The following TRPC5 variants were observed in gnomAD, a reference collection of about 807,000 sequenced individuals.
The protein encoded by TRPC5 is short transient receptor potential channel 5.
TRPC5 carries 9 observed loss-of-function variants against 56.5 expected under a neutral mutation model. That is an observed-to-expected ratio of 0.16 (90% CI 0.10 to 0.28). The LOEUF (loss-of-function observed/expected upper bound fraction) is 0.28. Ranked by LOEUF, TRPC5 falls within the 10% of genes least tolerant of loss-of-function variation. The pLI, the probability that TRPC5 is intolerant of heterozygous loss-of-function variation, is 1.00. For synonymous variants in TRPC5, 282 were observed against 278.5 expected, an observed-to-expected ratio of 1.01 and a Z score of -0.13; for missense variants, 469 against 748.9, an observed-to-expected ratio of 0.63 and a Z score of 4.36.
At chrX:111,967,318 G>C (rs1201007969) in intron 1 of TRPC5, among the ~76,000 whole-genome samples, 1 of 110,089 alleles carries the variant, frequency 9.1e-6, no homozygotes, top group Non-Finnish European at 1.9e-5. Flanking sequence ...CACTGCTCAA[G>C]GAAATAAAAG....
At chrX:112,049,235 C>T (rs1930147102) in intron 1 of TRPC5, among the ~76,000 whole-genome samples, 1 of 110,326 alleles carries the variant, frequency 9.1e-6, no homozygotes, top group Non-Finnish European at 1.9e-5. Context: ...CTAAACAATG[C>T]CAAATACCAA....
intron 7 of TRPC5, among the ~76,000 whole-genome samples, chrX:111,819,203 C>T (rs112083730): frequency 1.9e-4 from 21 of 111,982 alleles, no homozygotes; most frequent in Non-Finnish European, 1.3e-4. Flanking sequence ...AAGAACAGAT[C>T]CCTGTATATA....
chrX:111,899,407 C>T (rs1315805809), intron 3 of TRPC5, among the ~76,000 whole-genome samples: 1 of 110,489 alleles, frequency 9.1e-6, no homozygotes, highest in African/African-American at 3.3e-5. Flanking sequence ...AATTTTTTTC[C>T]AGTTTTAGGA....
intron 3 of TRPC5, among the ~76,000 whole-genome samples, chrX:111,872,467 G>C (rs1208381195): frequency 3.6e-5 from 4 of 111,967 alleles, no homozygotes; most frequent in African/African-American, 1.3e-4. Context: ...AAATTCCAGA[G>C]TGAACAAACT....
chrX:111,937,268 C>T lies in TRPC5; in HGVS notation c.378+14775G>A, dbSNP rs1441804523. 1.1e-4 allele frequency among the ~76,000 whole-genome samples: 11 copies of T among 103,024 alleles called. No individual in the cohort carries two copies. The East Asian group carries it at 1.2e-3, about 11-fold the overall frequency. The allele number at this position is 103,024 out of a possible 115,157, so 89.5% of individuals were successfully genotyped here. On this transcript the variant is annotated intron_variant, in intron 2 of 10. Transcript: ENST00000262839. ...AGCCCTTTGTCAGATGAGTAGGTTG[C>T]GAAAATTTTCTCCCATTTTGTAGGT... is the stretch of plus-strand genomic sequence containing the variant.
chrX:111,997,783 G>A (rs778945866), intron 1 of TRPC5, among the ~76,000 whole-genome samples: 17 of 109,860 alleles, frequency 1.5e-4, no homozygotes, highest in African/African-American at 2.6e-4. Context: ...TGATCGAATC[G>A]GATATTGAAG....
In TRPC5 at chrX:112,053,845, A is replaced by G. The variant is rs190539167; in HGVS notation, c.-22+28034T>C. ...CATGGAACCAGGTTCCAGCCTTCCCATATAGGAGTGTGCTTAACATCATAA... is the reference window on the plus strand; with the variant it reads ...CATGGAACCAGGTTCCAGCCTTCCCGTATAGGAGTGTGCTTAACATCATAA... On this transcript the variant is annotated intron_variant, in intron 1 of 10. Coordinates refer to ENST00000262839, the MANE Select transcript of TRPC5 (RefSeq NM_012471.3). Among the ~76,000 whole-genome samples the G allele has an allele frequency of 4.6e-4, 52 of 112,432 alleles. 1 individual carries two copies. Among genetic ancestry groups the G allele is most frequent in the Non-Finnish European group, 5.6e-5 (3 of 53,266 alleles).
intron 1 of TRPC5, among the ~76,000 whole-genome samples, chrX:112,069,179 T>A (rs1421038160): frequency 8.9e-6 from 1 of 111,982 alleles, no homozygotes; most frequent in Non-Finnish European, 1.9e-5. Context: ...TATCCTTAGT[T>A]TATGAATGCT....
At chrX:111,955,810 C>T (rs1389530287) in intron 1 of TRPC5, among the ~76,000 whole-genome samples, 1 of 112,009 alleles carries the variant, frequency 8.9e-6, no homozygotes, top group Non-Finnish European at 1.9e-5. Context: ...GAAGGTTTTT[C>T]CCCATGACCC....
intron 9 of TRPC5, among the ~76,000 whole-genome samples, chrX:111,780,749 G>A (rs1027699704): frequency 3.6e-5 from 4 of 111,891 alleles, no homozygotes; most frequent in African/African-American, 1.3e-4. Flanking sequence ...TTTTAATGAC[G>A]TGTTATTTTA....
chrX:111,985,842 T>G (rs1016906146), intron 1 of TRPC5, among the ~76,000 whole-genome samples: 4 of 111,942 alleles, frequency 3.6e-5, no homozygotes, highest in Non-Finnish European at 7.5e-5. Flanking sequence ...ATGGTAACCA[T>G]GCCCACCTTG....
chrX:111,843,921 T>C (rs866540095), intron 6 of TRPC5, among the ~76,000 whole-genome samples: 6 of 86,320 alleles, frequency 7.0e-5, no homozygotes, highest in African/African-American at 3.0e-4. Context: ...TGTGTGTGTA[T>C]GTGAGAGAGA....
chrX:112,071,451 A>T (rs1329223977), intron 1 of TRPC5, among the ~76,000 whole-genome samples: 4 of 112,022 alleles, frequency 3.6e-5, no homozygotes, highest in Non-Finnish European at 5.6e-5. Flanking sequence ...AGTCAGTGGT[A>T]GAGTTGGGAT....
chrX:111,789,220 T>G (rs1159142939), intron 7 of TRPC5, among the ~76,000 whole-genome samples: 2 of 111,467 alleles, frequency 1.8e-5, no homozygotes, highest in Non-Finnish European at 3.8e-5. Context: ...AACAGATATA[T>G]AGACCAATGG....
intron 3 of TRPC5, chrX:111,903,206 A>G (rs1052976543): frequency 8.9e-6 from 1 of 112,012 alleles, no homozygotes; most frequent in African/African-American, 3.2e-5. Context: ...TTGTTAAGAT[A>G]TAACCCCCGC....
chrX:111,784,721 A>G (rs2148551071), intron 7 of TRPC5, among the ~76,000 whole-genome samples: 1 of 112,754 alleles, frequency 8.9e-6, no homozygotes, highest in African/African-American at 3.2e-5. Flanking sequence ...CCACCCAAAT[A>G]CTGCACTTTT....
At chrX:111,847,504 C>A (rs1349113854) in intron 5 of TRPC5, 68 bp from the exon 6 acceptor site, 6 of 1,031,831 alleles carry the variant, frequency 5.8e-6, no homozygotes, top group Non-Finnish European at 7.8e-6. Flanking sequence ...CCCTTTTTTC[C>A]TTGCTTCCAT....
chrX:111,965,538 A>G (rs1407593881), intron 1 of TRPC5, among the ~76,000 whole-genome samples: 7 of 111,802 alleles, frequency 6.3e-5, no homozygotes, highest in Non-Finnish European at 1.1e-4. Context: ...TCAGCACCAC[A>G]CCACACCTAT....
At chrX:111,835,258 C>G in intron 6 of TRPC5, 142 bp from the exon 7 acceptor site, 1 of 474,726 alleles carries the variant, frequency 2.1e-6, no homozygotes, top group South Asian at 4.6e-5. Context: ...TTGGGCTCTT[C>G]CCTAACACAG....
Sources: gnomAD v4.1 joint callset for allele counts (sites outside exome capture counted in the v4.1 genomes callset) on GRCh38, gnomAD v4.1.1 for gene constraint, MANE v1.5 for transcripts, NCBI Gene and HGNC (gene_info 2026-07-23, HGNC 2026-07-21) for gene names.